ADGB: variants seen among roughly 807,000 people sequenced by gnomAD.
ADGB encodes the protein calpain-7-like protein.
ADGB carries 172 observed loss-of-function variants against 210.5 expected under a neutral mutation model. That is an observed-to-expected ratio of 0.82 (90% CI 0.72 to 0.93). The LOEUF is 0.93. Among genes scored for constraint, ADGB ranks in the 40% least tolerant of loss-of-function variants. The pLI is 0.00. For synonymous variants in ADGB, 658 were observed against 662.7 expected (o/e 0.99, Z 0.11); for missense variants, 2,025 against 1,964.8 (o/e 1.03, Z -0.58).
At chr6:146,644,309 C>A (rs1419195939) in intron 2 of ADGB, among the ~76,000 whole-genome samples, 2 of 151,762 alleles carry the variant, frequency 1.3e-5, no homozygotes, top group South Asian at 4.2e-4. Flanking sequence ...AAATGAAAAT[C>A]AGGTCAAACA....
At chr6:146,804,874 A>C (rs1415076484) in intron 35 of ADGB, among the ~76,000 whole-genome samples, 1 of 152,214 alleles carries the variant, frequency 6.6e-6, no homozygotes, top group Non-Finnish European at 1.5e-5. Flanking sequence ...CAAATAGGAA[A>C]TATTTATGTT....
chr6:146,774,256 C>T (rs1268265981), intron 29 of ADGB, among the ~76,000 whole-genome samples: 2 of 151,964 alleles, frequency 1.3e-5, no homozygotes, highest in African/African-American at 4.8e-5. Context: ...CTGAAATGAA[C>T]ACAGTAGTTT....
chr6:146,767,647 T>C (rs948109522), intron 28 of ADGB, among the ~76,000 whole-genome samples: 2 of 152,024 alleles, frequency 1.3e-5, no homozygotes, highest in African/African-American at 2.4e-5. Context: ...ATTTTTTGTA[T>C]TTTTAGTAGA....
chr6:146,728,235 A>C (rs1776925384), intron 19 of ADGB, among the ~76,000 whole-genome samples: 1 of 152,100 alleles, frequency 6.6e-6, no homozygotes, highest in Non-Finnish European at 1.5e-5. Context: ...TCTCCCTGAA[A>C]TCTCTGTTCG....
intron 35 of ADGB, among the ~76,000 whole-genome samples, chr6:146,804,829 CAT>C (rs1055759357): frequency 3.6e-4 from 55 of 152,264 alleles, no homozygotes; most frequent in African/African-American, 1.2e-3. Context: ...AGTGGCCTAA[CAT>C]AGTGTTTGGC....
intron 33 of ADGB, among the ~76,000 whole-genome samples, chr6:146,796,318 C>T (rs964095424): frequency 2.0e-5 from 3 of 152,138 alleles, no homozygotes; most frequent in Non-Finnish European, 4.4e-5. Context: ...ATGCCATCAT[C>T]ATTCTTCACA....
At chr6:146,661,527 G>GT (rs556931585) in intron 5 of ADGB, among the ~76,000 whole-genome samples, 104 of 151,654 alleles carry the variant, frequency 6.9e-4, no homozygotes, top group Non-Finnish European at 1.3e-3. Context: ...CACTGATATA[G>GT]TTTTTTTAAA....
At chr6:146,779,157 C>G (rs1777762595) in intron 29 of ADGB, among the ~76,000 whole-genome samples, 1 of 151,786 alleles carries the variant, frequency 6.6e-6, no homozygotes, top group South Asian at 2.1e-4. Context: ...GTCTTATTCC[C>G]AAAGACTTAT....
chr6:146,798,629 T>C (rs1298704718), intron 33 of ADGB, among the ~76,000 whole-genome samples: 1 of 135,588 alleles, frequency 7.4e-6, no homozygotes, highest in East Asian at 1.9e-4. Flanking sequence ...GAAGTAAAAC[T>C]GTATTCTCCG....
Position 146,769,050 on chromosome 6 carries a change from T to C in ADGB, c.3781T>C (p.Leu1261=). 6.5e-7 allele frequency: 1 copy of C among 1,528,804 alleles called. No individual in the cohort carries two copies. The highest frequency in any genetic ancestry group is 8.8e-7 in the Non-Finnish European group (1 of 1,131,084). 94.7% of individuals were successfully genotyped at this position (1,528,804 alleles called of 1,614,324 possible). ...NYKYIIQCSV[L]YNSWPLTESQ... ...CAAGTATATTATACAGTGTTCGGTGTTGTATAACAGTTGGCCTCTCACTGA... is the reference window on the plus strand; with the variant it reads ...CAAGTATATTATACAGTGTTCGGTGCTGTATAACAGTTGGCCTCTCACTGA... Residue 1261 remains leucine, a synonymous_variant, in exon 29 of 36, where the codon TTG becomes CTG. Coordinates refer to ENST00000397944, the MANE Select transcript of ADGB (RefSeq NM_024694.4).
intron 9 of ADGB, among the ~76,000 whole-genome samples, chr6:146,680,401 A>G (rs1776142389): frequency 1.3e-5 from 2 of 152,192 alleles, no homozygotes; most frequent in Admixed American, 1.3e-4. Context: ...AAAAGAAACT[A>G]TATCATGTTT....
chr6:146,693,685 G>C (rs781154093), intron 12 of ADGB, among the ~76,000 whole-genome samples: 1 of 152,138 alleles, frequency 6.6e-6, no homozygotes, highest in Non-Finnish European at 1.5e-5. Context: ...GATAGGCTGA[G>C]AATTGTCCAA....
At chr6:146,771,565 C>T (rs1187941541) in intron 29 of ADGB, among the ~76,000 whole-genome samples, 1 of 152,112 alleles carries the variant, frequency 6.6e-6, no homozygotes, top group Non-Finnish European at 1.5e-5. Flanking sequence ...GCCCCTGGCC[C>T]CTGGCCCCCA....
chr6:146,746,917 C>T (rs1188184705), intron 26 of ADGB, among the ~76,000 whole-genome samples: 1 of 151,428 alleles, frequency 6.6e-6, no homozygotes, highest in African/African-American at 2.4e-5. Context: ...TGTCCTGTCC[C>T]CACCTCTCCA....
At chr6:146,633,475 A>C (rs1258896225) in intron 1 of ADGB, among the ~76,000 whole-genome samples, 1 of 151,940 alleles carries the variant, frequency 6.6e-6, no homozygotes, top group African/African-American at 2.4e-5. Context: ...CTTTGCATCT[A>C]GTACCTCTCT....
intron 22 of ADGB, among the ~76,000 whole-genome samples, chr6:146,734,639 C>A (rs1345644229): frequency 6.6e-6 from 1 of 152,122 alleles, no homozygotes; most frequent in Non-Finnish European, 1.5e-5. Context: ...TAAAACATGG[C>A]AGATGCAAAA....
chr6:146,784,529 TA>T, intron 30 of ADGB, 88 bp from the exon 31 acceptor site: 2 of 1,033,756 alleles, frequency 1.9e-6, no homozygotes, highest in Non-Finnish European at 2.7e-6. Context: ...AGTAAATACC[TA>T]ATAGTGAAAT....
intron 1 of ADGB, among the ~76,000 whole-genome samples, chr6:146,603,846 T>C (rs1294818773): frequency 1.3e-5 from 2 of 152,174 alleles, no homozygotes; most frequent in Non-Finnish European, 2.9e-5. Flanking sequence ...TTAAGTGAAT[T>C]CTTTCTTGGT....
chr6:146,684,185 G>A (rs74443978), intron 9 of ADGB, among the ~76,000 whole-genome samples: 3,275 of 152,094 alleles, frequency 0.022, 99 homozygotes, highest in African/African-American at 0.074. Flanking sequence ...CTTTCCTAAG[G>A]TGTAGACAGC....
Sources: gnomAD v4.1 joint callset for allele counts (sites outside exome capture counted in the v4.1 genomes callset) on GRCh38, gnomAD v4.1.1 for gene constraint, MANE v1.5 for transcripts, NCBI Gene and HGNC (gene_info 2026-07-23, HGNC 2026-07-21) for gene names.